Variants in CTTNBP2 observed in about 807,000 individuals in gnomAD.
CTTNBP2 encodes the protein cortactin binding protein 2.
A neutral mutation model predicts 156.9 loss-of-function variants in CTTNBP2; 108 were observed. The ratio of observed to expected loss-of-function variants is 0.69; its 90% CI spans 0.59 to 0.81. The LOEUF (loss-of-function observed/expected upper bound fraction) is 0.81, where lower values mean the gene tolerates loss of function less well. CTTNBP2 is among the 30% of genes least tolerant of loss of function. The probability of loss-of-function intolerance (pLI) is 0.00; values close to 1 mark genes in which losing one functional copy is unlikely to be tolerated. For missense variants in CTTNBP2, 1,924 were observed against 2,035.4 expected, an observed-to-expected ratio of 0.95 and a Z score of 1.05; for synonymous variants, 767 against 751.8, an observed-to-expected ratio of 1.02 and a Z score of -0.33.
intron 19 of CTTNBP2, among the ~76,000 whole-genome samples, chr7:117,721,817 G>A (rs1008128739): frequency 6.6e-6 from 1 of 152,188 alleles, no homozygotes; most frequent in Non-Finnish European, 1.5e-5. Context: ...AGGCTTGTGT[G>A]TACAGATCAT....
Position 117,784,385 on chromosome 7 carries a change from A to G in CTTNBP2, c.2138T>C (p.Leu713Pro), listed in dbSNP as rs780495168. 5.1e-6 allele frequency: 8 copies of G among 1,580,086 alleles called. No individual in the cohort carries two copies. The highest frequency in any genetic ancestry group is 6.9e-6 in the Non-Finnish European group (8 of 1,159,432). ...GPAPLAGRPT[L>P]LQQAAAQGNV... ...TCCCTGGGCAGCAGCTTGCTGAAGA[A>G]GGGTGGGCCTGCCAGCCAGGGGGGC... The change falls in exon 5 of 23, where the codon CTT (leucine) becomes CCT (proline). Residue 713 changes from leucine to proline, a missense_variant. By Grantham distance (98) the Leu-to-Pro change is moderately conservative (BLOSUM62 -3). Coordinates refer to ENST00000160373, the MANE Select transcript of CTTNBP2 (RefSeq NM_033427.3).
chr7:117,778,011 C>A (rs1234140787), intron 7 of CTTNBP2, among the ~76,000 whole-genome samples: 1 of 152,102 alleles, frequency 6.6e-6, no homozygotes, highest in East Asian at 1.9e-4. Context: ...TACCAGTTAA[C>A]CATTTGGGGT....
At position 117,724,658 on chromosome 7, in the gene CTTNBP2, TACAAGTGTTATAACTGGAA is replaced by T; in HGVS notation, c.4317_4335del (p.Ser1440ThrfsTer13). The T allele has an allele frequency of 6.2e-7, 1 of 1,614,212 alleles. No homozygotes were observed. The highest frequency in any genetic ancestry group is 8.5e-7 in the Non-Finnish European group (1 of 1,180,034). Reference sequence around the variant, plus strand: ...GCACCACTCTCTCCTTTCTTCTTGTTACAAGTGTTATAACTGGAAACTATGGATAAAGGGAAACTTCCTC... The same window carrying T: ...GCACCACTCTCTCCTTTCTTCTTGTTACTATGGATAAAGGGAAACTTCCTC... On this transcript the variant is annotated frameshift_variant, in exon 19 of 23. Coordinates refer to ENST00000160373, the MANE Select transcript of CTTNBP2 (RefSeq NM_033427.3). LOFTEE classifies it high-confidence loss of function.
rs1803700630 is a variant in CTTNBP2 at position 117,861,058 on chromosome 7, G to C, written c.189+151C>G. 1.2e-5 allele frequency: 7 copies of C among 607,938 alleles called. No individual in the cohort carries two copies. The East Asian group carries it at 2.0e-4, about 17-fold the overall frequency. The allele number at this position is 607,938 out of a possible 1,614,324, so 37.7% of individuals were successfully genotyped here. A position where few individuals can be genotyped will look rare whatever the true frequency, so the allele number is the denominator to read the frequency against. ...GTTTGTTTGGGCTTATAAAAGTTAT[G>C]GGTTAGTGTTTGGGGTGAAGAGCAC... is the stretch of plus-strand genomic sequence containing the variant. On this transcript the variant is annotated intron_variant, in intron 2 of 22. Coordinates refer to ENST00000160373, the MANE Select transcript of CTTNBP2 (RefSeq NM_033427.3).
intron 8 of CTTNBP2, among the ~76,000 whole-genome samples, chr7:117,773,711 C>CA (rs1476039511): frequency 1.7e-5 from 2 of 115,428 alleles, no homozygotes; most frequent in Non-Finnish European, 1.9e-5. Context: ...ACACACACCC[C>CA]AAAAAACAAA....
chr7:117,717,965 T>A, intron 22 of CTTNBP2, 53 bp downstream of exon 22: 1 of 1,105,276 alleles, frequency 9.0e-7, no homozygotes, highest in South Asian at 1.3e-5. Flanking sequence ...ATTTGTGAAG[T>A]CAATTCCACA....
rs1177366835 is a variant in CTTNBP2, at chr7:117,810,861, G to A, written c.318C>T (p.Asn106=). The A allele has an allele frequency of 1.2e-6, 2 of 1,614,086 alleles. No homozygotes were observed. The highest frequency in any genetic ancestry group is 2.2e-5 in the South Asian group (2 of 91,080). Residue 106 remains asparagine (N), a synonymous_variant, in exon 3 of 23, where the codon AAC becomes AAT. Transcript: ENST00000160373. ...TGACTGCTTCAAGGATGGAGAGGGGGTTGGTACAAACTGGCTTCTTCTCTT... is the reference window on the plus strand; with the variant it reads ...TGACTGCTTCAAGGATGGAGAGGGGATTGGTACAAACTGGCTTCTTCTCTT... ...GDKEKKPVCT[N]PLSILEAVMA... is the part of the protein sequence containing the mutation.
intron 3 of CTTNBP2, among the ~76,000 whole-genome samples, chr7:117,809,190 A>T (rs910332803): frequency 1.0e-4 from 2 of 19,754 alleles, no homozygotes; most frequent in Non-Finnish European, 1.3e-4. Context: ...AGTTGATTTA[A>T]AAAAAAAAAA....
At chr7:117,722,862 T>C (rs1794880794) in intron 19 of CTTNBP2, among the ~76,000 whole-genome samples, 1 of 152,176 alleles carries the variant, frequency 6.6e-6, no homozygotes, top group Admixed American at 6.5e-5. Context: ...AAGAAACAAT[T>C]ACAGAACCGC....
intron 1 of CTTNBP2, among the ~76,000 whole-genome samples, chr7:117,868,624 A>G (rs939213032): frequency 6.6e-6 from 1 of 152,190 alleles, no homozygotes; most frequent in Admixed American, 6.5e-5. Flanking sequence ...TATCGATGTC[A>G]TCATCATCGT....
intron 2 of CTTNBP2, among the ~76,000 whole-genome samples, 155 bp from the exon 3 acceptor site, chr7:117,811,144 C>T (rs1800252088): frequency 2.0e-5 from 3 of 152,210 alleles, no homozygotes; most frequent in South Asian, 2.1e-4. Flanking sequence ...GCAAATGTGA[C>T]CCCCAGTCTC....
At chr7:117,767,429 G>T (rs993586321) in intron 8 of CTTNBP2, among the ~76,000 whole-genome samples, 1 of 151,914 alleles carries the variant, frequency 6.6e-6, no homozygotes. Flanking sequence ...TTCTTAGGTT[G>T]CAAGAAAAAA....
rs1563003301 is a variant in CTTNBP2, at chr7:117,784,322, CCTT to C, written c.2198_2200del (p.Glu733del). 4 of 1,613,946 alleles carry C rather than the reference CCTT, an allele frequency of 2.5e-6. No individual in the cohort carries two copies. The highest frequency in any genetic ancestry group is 1.1e-5 in the South Asian group (1 of 91,052). On this transcript the variant is annotated inframe_deletion, in exon 5 of 23. Transcript: ENST00000160373. ...TTCACAGGAGTAATTAATGTCCAGT[CCTT>C]CTTCATTAAGCAGCATTGATAATAA...
At chr7:117,782,832 G>C (rs767365804) in intron 6 of CTTNBP2, 30 bp downstream of exon 6, 1 of 1,528,100 alleles carries the variant, frequency 6.5e-7, no homozygotes. Context: ...TCCTTTGATG[G>C]TGGGAAAAAA....
intron 2 of CTTNBP2, among the ~76,000 whole-genome samples, chr7:117,839,603 T>C (rs1260888483): frequency 2.0e-4 from 30 of 152,210 alleles, no homozygotes; most frequent in Admixed American, 1.9e-3. Context: ...TTCAGCCCCA[T>C]GGTGAATTTA....
intron 14 of CTTNBP2, among the ~76,000 whole-genome samples, chr7:117,739,645 C>T (rs1584926161): frequency 6.6e-6 from 1 of 152,142 alleles, no homozygotes; most frequent in African/African-American, 2.4e-5. Flanking sequence ...CTAGCTAAAC[C>T]CAAACTGCTT....
At chr7:117,836,454 C>T (rs1299364771) in intron 2 of CTTNBP2, among the ~76,000 whole-genome samples, 4 of 152,156 alleles carry the variant, frequency 2.6e-5, no homozygotes, top group African/African-American at 9.7e-5. Context: ...GTCCCAGCCA[C>T]TCCGGAGGCT....
intron 22 of CTTNBP2, among the ~76,000 whole-genome samples, chr7:117,715,425 A>G (rs1794290869): frequency 2.0e-5 from 3 of 150,112 alleles, no homozygotes; most frequent in South Asian, 4.2e-4. Flanking sequence ...GGACCTTTAA[A>G]AAACCCATTG....
Position 117,733,986 on chromosome 7 carries a change from A to G in CTTNBP2, c.3876+927T>C, listed in dbSNP as rs528280561. Among the ~76,000 whole-genome samples, 3 of 152,312 alleles carry G rather than the reference A, an allele frequency of 2.0e-5. No individual in the cohort carries two copies. The South Asian group carries it at 6.2e-4, about 32-fold the overall frequency. On this transcript the variant is annotated intron_variant, in intron 16 of 22. Coordinates refer to ENST00000160373, the MANE Select transcript of CTTNBP2 (RefSeq NM_033427.3). The stretch of plus-strand genomic sequence containing the variant: ...TGCTTTCCTCCCTGATAAGGAAGAG[A>G]CTGAGGAAGCCGAAGCTCTCTATCC...
Sources: allele counts gnomAD v4.1 joint callset (sites outside exome capture counted in the v4.1 genomes callset), GRCh38; gene constraint gnomAD v4.1.1; transcripts MANE v1.5; gene names NCBI Gene and HGNC (gene_info 2026-07-23, HGNC 2026-07-21).